Variants in ATXN2 observed in about 807,000 individuals in gnomAD.
ATXN2 encodes the protein ataxin 2.
ATXN2 carries 37 observed loss-of-function variants against 138.6 expected under a neutral mutation model. That is an observed-to-expected ratio of 0.27 (90% confidence interval 0.21 to 0.35). ATXN2 has a LOEUF of 0.35. Ranked by LOEUF, ATXN2 falls within the 10% of genes least tolerant of loss-of-function variation. The pLI is 1.00. For missense variants in ATXN2, 1,216 were observed against 1,480.3 expected, an observed-to-expected ratio of 0.82 and a Z score of 2.93; for synonymous variants, 549 against 543.7, an observed-to-expected ratio of 1.01 and a Z score of -0.13.
chr12:111,479,980 A>G (rs865819056), intron 18 of ATXN2, among the ~76,000 whole-genome samples: 11 of 151,634 alleles, frequency 7.3e-5, no homozygotes, highest in Non-Finnish European at 7.4e-5. Flanking sequence ...GACGTCTCCA[A>G]AAAAAGATTT....
chr12:111,521,315 T>C (rs1880144523), intron 6 of ATXN2, among the ~76,000 whole-genome samples: 1 of 152,206 alleles, frequency 6.6e-6, no homozygotes, highest in African/African-American at 2.4e-5. Flanking sequence ...TGTAACCTTC[T>C]TGAGATCACA....
rs1879860037 is a variant in ATXN2, at chr12:111,516,434, A to G, written c.1166-71T>C. 3.7e-6 allele frequency: 5 copies of G among 1,342,490 alleles called. No individual in the cohort carries two copies. Among genetic ancestry groups the G allele is most frequent in the Non-Finnish European group, 5.1e-6 (5 of 984,498 alleles). 83.2% of individuals were successfully genotyped at this position (1,342,490 alleles called of 1,614,324 possible). On this transcript the variant is annotated intron_variant, in intron 9 of 24. Transcript: ENST00000673436. The surrounding 1 kb of genome is among the most constrained non-coding windows in gnomAD (Gnocchi z 5.0). ...AAAATGAGGGAAAAAAGTAAACAGA[A>G]AAAAAGTAAAATGACAAAAATGATT...
chr12:111,522,315 C>T (rs1019854714), intron 6 of ATXN2, among the ~76,000 whole-genome samples: 14 of 151,600 alleles, frequency 9.2e-5, no homozygotes, highest in Non-Finnish European at 2.9e-5. Context: ...TAAATAACTA[C>T]TATTAAGAGT....
intron 13 of ATXN2, 56 bp from the exon 14 acceptor site, chr12:111,509,675 T>C (rs1879387246): frequency 9.5e-7 from 1 of 1,054,678 alleles, no homozygotes; most frequent in Non-Finnish European, 1.4e-6. Context: ...TAACATCACA[T>C]TCTTTTTAGT....
chr12:111,582,960 G>A lies in ATXN2; in HGVS notation c.251+15824C>T, dbSNP rs868518299. 3.4e-5 allele frequency among the ~76,000 whole-genome samples: 5 copies of A among 145,990 alleles called. 1 individual carries two copies. Among genetic ancestry groups the A allele is most frequent in the South Asian group, 4.4e-4 (2 of 4,590 alleles). On this transcript the variant is annotated intron_variant, in intron 1 of 24. Coordinates refer to ENST00000673436, the MANE Select transcript of ATXN2 (RefSeq NM_001372574.1). ...TGGGATTACAGGCACGAGCCACCGCGCCCGGCCAGTATCTCAGTTTTTTTT... is the reference window on the plus strand; with the variant it reads ...TGGGATTACAGGCACGAGCCACCGCACCCGGCCAGTATCTCAGTTTTTTTT...
intron 14 of ATXN2, among the ~76,000 whole-genome samples, chr12:111,502,593 C>T (rs1271052179): frequency 6.6e-6 from 1 of 152,062 alleles, no homozygotes; most frequent in East Asian, 1.9e-4. Flanking sequence ...CCACGCCTGG[C>T]TAATTTTTTG....
In ATXN2 at chr12:111,509,578, C is replaced by G. The variant is rs1346148590; in HGVS notation, c.1906G>C (p.Asp636His). 6.7e-7 allele frequency: 1 copy of G among 1,488,772 alleles called. No homozygotes were observed. Among genetic ancestry groups the G allele is most frequent in the Non-Finnish European group, 9.2e-7 (1 of 1,081,494 alleles). 92.2% of individuals were successfully genotyped at this position (1,488,772 alleles called of 1,614,324 possible). A position where few individuals can be genotyped will look rare whatever the true frequency, so the allele number is the denominator to read the frequency against. The change falls in exon 14 of 25, where the codon GAT becomes CAT. Residue 636 changes from aspartate to histidine, a missense_variant. Around this residue, in one of 4 missense-constraint regions of ATXN2, gnomAD observed 215 missense variants for 210.0 expected, o/e 1.02. Transcript: ENST00000673436. ...VVSEHRKQID[D>H]LKKFKNDFRL... is the part of the protein sequence containing the mutation. The stretch of plus-strand genomic sequence containing the variant: ...AAATCATTCTTAAATTTCTTTAAAT[C>G]ATCAATCTGTTTTCTATGTTCAGAA...
At chr12:111,583,773 A>AG (rs1375518362) in intron 1 of ATXN2, among the ~76,000 whole-genome samples, 3 of 150,656 alleles carry the variant, frequency 2.0e-5, no homozygotes, top group Non-Finnish European at 4.4e-5. Context: ...ACTCAAAAAA[A>AG]AAAAAAAAAA....
At chr12:111,586,334 G>A (rs186698110) in intron 1 of ATXN2, among the ~76,000 whole-genome samples, 14 of 148,916 alleles carry the variant, frequency 9.4e-5, no homozygotes, top group African/African-American at 2.7e-4. Context: ...CGATTCTCCT[G>A]CCTCAGCCTC....
At chr12:111,521,771 G>T (rs768379715) in intron 6 of ATXN2, among the ~76,000 whole-genome samples, 1 of 152,016 alleles carries the variant, frequency 6.6e-6, no homozygotes, top group Non-Finnish European at 1.5e-5. Context: ...TTTTTGGTGG[G>T]GGGGAGCCAG....
At chr12:111,479,978 C>CA (rs1195930742) in intron 18 of ATXN2, among the ~76,000 whole-genome samples, 4 of 61,056 alleles carry the variant, frequency 6.6e-5, no homozygotes, top group Non-Finnish European at 6.5e-5. Context: ...GAGACGTCTC[C>CA]AAAAAAAGAT....
intron 14 of ATXN2, among the ~76,000 whole-genome samples, chr12:111,508,014 A>G (rs1879270958): frequency 6.6e-6 from 1 of 152,190 alleles, no homozygotes; most frequent in Admixed American, 6.5e-5. Flanking sequence ...CCAGGGACAC[A>G]AACACTGCGG....
chr12:111,487,276 G>A (rs1297801361), intron 15 of ATXN2, among the ~76,000 whole-genome samples: 1 of 151,756 alleles, frequency 6.6e-6, no homozygotes, highest in Non-Finnish European at 1.5e-5. Context: ...TAGTAAAGAT[G>A]GGGTTTCACC....
chr12:111,521,767 G>GT (rs942599347), intron 6 of ATXN2, among the ~76,000 whole-genome samples: 1 of 152,056 alleles, frequency 6.6e-6, no homozygotes, highest in African/African-American at 2.4e-5. Flanking sequence ...TCTTTTTTTG[G>GT]TGGGGGGGAG....
rs895136154 is a variant in ATXN2 at position 111,455,302 on chromosome 12, T to A, written c.3270+727A>T. 1.0e-5 allele frequency: 6 copies of A among 572,206 alleles called. No individual in the cohort carries two copies. The African/African-American group carries it at 1.1e-4, about 11-fold the overall frequency. The allele number at this position is 572,206 out of a possible 1,614,324, so 35.4% of individuals were successfully genotyped here. ...CAGCTCCTTCTCCTCATTAAGACAATCCCCTGGGCCCTGGAGTGCAGGGAC... is the reference window on the plus strand; with the variant it reads ...CAGCTCCTTCTCCTCATTAAGACAAACCCCTGGGCCCTGGAGTGCAGGGAC... On this transcript the variant is annotated intron_variant, in intron 23 of 24. Transcript: ENST00000673436.
rs779500115 is a variant in ATXN2, at chr12:111,470,630, T to C, written c.2637A>G (p.Gln879=). The change falls in exon 19 of 25, where the codon CAA becomes CAG. Residue 879 remains glutamine, a synonymous_variant. Coordinates refer to ENST00000673436, the MANE Select transcript of ATXN2 (RefSeq NM_001372574.1). ...IAATPPAYST[Q]YVAYSPQQFP... ...ACTGCTGAGGACTGTAGGCAACATA[T>C]TGCGTGGAGTAAGCTGGTGGGGTGG... 27 of 1,613,996 alleles carry C rather than the reference T, an allele frequency of 1.7e-5. No individual in the cohort carries two copies. In the South Asian group the frequency reaches 1.9e-4, roughly 11 times the overall value.
chr12:111,539,674 G>A (rs1219644522), intron 5 of ATXN2, among the ~76,000 whole-genome samples: 2 of 149,864 alleles, frequency 1.3e-5, no homozygotes, highest in Admixed American at 6.7e-5. Context: ...GCATGAACCC[G>A]GGAGGCGGAG....
intron 21 of ATXN2, among the ~76,000 whole-genome samples, chr12:111,459,005 A>G (rs533657529): frequency 6.6e-6 from 1 of 152,380 alleles, no homozygotes; most frequent in Non-Finnish European, 1.5e-5. Context: ...TCACCTGTGC[A>G]TCCACTGCCA....
upstream of ATXN2, chr12:111,599,441 C>A: frequency 8.4e-7 from 1 of 1,194,964 alleles, no homozygotes. Flanking sequence ...CCACCCGGGC[C>A]ACCTGGCTGC....
Sources: gnomAD v4.1 joint callset for allele counts (sites outside exome capture counted in the v4.1 genomes callset) on GRCh38, gnomAD v4.1.1 for gene constraint, gnomAD v4.1.1 regional missense constraint, Gnocchi (gnomAD v3.1) non-coding constraint, MANE v1.5 for transcripts, NCBI Gene and HGNC (gene_info 2026-07-23, HGNC 2026-07-21) for gene names.